Variants in CSMD3 observed in about 807,000 individuals in gnomAD.
The protein encoded by CSMD3 is CUB and sushi domain-containing protein 3.
CSMD3 carries 177 observed loss-of-function variants against 435.2 expected under a neutral mutation model. The ratio of observed to expected loss-of-function variants is 0.41; its 90% CI spans 0.36 to 0.46. The LOEUF (loss-of-function observed/expected upper bound fraction) is 0.46, where lower values mean the gene tolerates loss of function less well. Among genes scored for constraint, CSMD3 ranks in the 20% least tolerant of loss-of-function variants. The pLI is 0.34. For synonymous variants in CSMD3, 1,656 were observed against 1,520.5 expected (o/e 1.09, Z -2.07); for missense variants, 4,265 against 4,504.6 (o/e 0.95, Z 1.52).
At chr8:112,238,396 C>G (rs1813802550) in intron 66 of CSMD3, among the ~76,000 whole-genome samples, 1 of 151,974 alleles carries the variant, frequency 6.6e-6, no homozygotes, top group Admixed American at 6.6e-5. Context: ...TTCTATTAAA[C>G]CAAGAAAGCA....
At chr8:112,892,835 A>G (rs1993606) in intron 10 of CSMD3, among the ~76,000 whole-genome samples, 76,521 of 150,992 alleles carry the variant, frequency 0.51, 19,991 homozygotes, top group East Asian at 0.84. Context: ...GTATTTGTTT[A>G]TTTTGTGTTG....
intron 13 of CSMD3, among the ~76,000 whole-genome samples, chr8:112,736,352 T>C (rs891638392): frequency 5.3e-5 from 8 of 152,040 alleles, no homozygotes; most frequent in Non-Finnish European, 1.0e-4. Context: ...TCCCATGTTA[T>C]CTAGGTTTAA....
intron 1 of CSMD3, among the ~76,000 whole-genome samples, chr8:113,434,995 G>A (rs1409206294): frequency 6.6e-6 from 1 of 152,194 alleles, no homozygotes; most frequent in African/African-American, 2.4e-5. Context: ...CAGGGCTGCT[G>A]CTGGCTATTC....
intron 1 of CSMD3, among the ~76,000 whole-genome samples, chr8:113,409,044 T>C (rs1209794123): frequency 6.6e-6 from 1 of 151,630 alleles, no homozygotes; most frequent in Non-Finnish European, 1.5e-5. Flanking sequence ...TCTGAAACCA[T>C]TCCCACAATA....
At chr8:112,654,845 C>T (rs2075217615) in intron 18 of CSMD3, among the ~76,000 whole-genome samples, 1 of 152,136 alleles carries the variant, frequency 6.6e-6, no homozygotes, top group South Asian at 2.1e-4. Flanking sequence ...AAAAGAAAAG[C>T]TGCCTGCATA....
chr8:113,261,230 G>C (rs1463097866), intron 3 of CSMD3, among the ~76,000 whole-genome samples: 2 of 152,002 alleles, frequency 1.3e-5, no homozygotes, highest in Non-Finnish European at 2.9e-5. Context: ...ATAATAATCT[G>C]TTATAGTTTA....
intron 3 of CSMD3, among the ~76,000 whole-genome samples, chr8:113,267,197 T>C (rs903528353): frequency 6.6e-6 from 1 of 151,678 alleles, no homozygotes; most frequent in African/African-American, 2.4e-5. Flanking sequence ...TGGAGCTTTC[T>C]TAAAAAACTA....
At chr8:113,096,064 A>C (rs1729499489) in intron 5 of CSMD3, among the ~76,000 whole-genome samples, 1 of 152,112 alleles carries the variant, frequency 6.6e-6, no homozygotes, top group African/African-American at 2.4e-5. Flanking sequence ...TAATCACTTC[A>C]ACTGGTAGAA....
intron 3 of CSMD3, among the ~76,000 whole-genome samples, chr8:113,249,939 A>G (rs922413848): frequency 2.6e-5 from 4 of 152,152 alleles, no homozygotes; most frequent in African/African-American, 7.2e-5. Context: ...ACAGAAACAG[A>G]CTAATTGTAG....
intron 10 of CSMD3, among the ~76,000 whole-genome samples, chr8:112,885,122 A>G (rs1205935755): frequency 6.6e-6 from 1 of 151,674 alleles, no homozygotes; most frequent in Non-Finnish European, 1.5e-5. Flanking sequence ...CCTCTTGAGG[A>G]CAATTACCAC....
At chr8:112,974,164 C>T (rs2084761528) in intron 7 of CSMD3, among the ~76,000 whole-genome samples, 1 of 151,846 alleles carries the variant, frequency 6.6e-6, no homozygotes, top group Admixed American at 6.6e-5. Flanking sequence ...TTAAAATTTA[C>T]TTGAAGAAAC....
intron 3 of CSMD3, among the ~76,000 whole-genome samples, chr8:113,232,442 T>C (rs2093099262): frequency 6.6e-6 from 1 of 151,724 alleles, no homozygotes; most frequent in African/African-American, 2.4e-5. Flanking sequence ...TGGGATTGTA[T>C]TAAAATGTGT....
At chr8:112,888,228 C>A (rs1456273727) in intron 10 of CSMD3, among the ~76,000 whole-genome samples, 1 of 151,546 alleles carries the variant, frequency 6.6e-6, no homozygotes, top group African/African-American at 2.4e-5. Context: ...TGTTTGCTAT[C>A]CTTGTGTTTC....
intron 3 of CSMD3, among the ~76,000 whole-genome samples, chr8:113,276,193 T>C (rs914818498): frequency 1.3e-5 from 2 of 152,106 alleles, no homozygotes; most frequent in African/African-American, 4.8e-5. Context: ...AACTTGCACA[T>C]ATGTCATGTT....
intron 59 of CSMD3, among the ~76,000 whole-genome samples, chr8:112,266,788 A>G (rs946778733): frequency 2.0e-5 from 3 of 152,216 alleles, no homozygotes; most frequent in African/African-American, 7.2e-5. Flanking sequence ...TATATGTCAC[A>G]CAAGTGATAA....
At chr8:112,303,676 T>C (rs1370244607) in intron 52 of CSMD3, among the ~76,000 whole-genome samples, 1 of 152,154 alleles carries the variant, frequency 6.6e-6, no homozygotes, top group African/African-American at 2.4e-5. Context: ...AATGTGATTA[T>C]CTTGGAACAC....
chr8:113,329,002 A>C (rs1258351155), intron 1 of CSMD3, among the ~76,000 whole-genome samples: 1 of 151,248 alleles, frequency 6.6e-6, no homozygotes, highest in African/African-American at 2.4e-5. Context: ...TCAGCCTCCC[A>C]AAATGCTGGG....
intron 6 of CSMD3, among the ~76,000 whole-genome samples, chr8:112,993,094 C>T (rs2085515814): frequency 6.6e-6 from 1 of 151,678 alleles, no homozygotes; most frequent in Non-Finnish European, 1.5e-5. Flanking sequence ...GAATGAGAAA[C>T]TGCCTGGGAT....
At position 112,287,353 on chromosome 8, in the gene CSMD3, T is replaced by C. The variant is rs1266807509; in HGVS notation, c.9149-107A>G. 5 of 954,092 alleles carry C rather than the reference T, an allele frequency of 5.2e-6. No individual in the cohort carries two copies. The East Asian group carries it at 1.2e-4, about 23-fold the overall frequency. 59.1% of individuals were successfully genotyped at this position (954,092 alleles called of 1,614,324 possible). ...ATTTGTTTTTGTGCATGCGGTGTTT[T>C]AGCACAGATGGAGTAAAATTGTAAT... On this transcript the variant is annotated intron_variant, in intron 57 of 70. Coordinates refer to ENST00000297405, the MANE Select transcript of CSMD3 (RefSeq NM_198123.2).
Sources: allele counts gnomAD v4.1 joint callset (sites outside exome capture counted in the v4.1 genomes callset), GRCh38; gene constraint gnomAD v4.1.1; transcripts MANE v1.5; gene names NCBI Gene and HGNC (gene_info 2026-07-23, HGNC 2026-07-21).